The following PCDH15 variants were observed in gnomAD, a reference collection of about 807,000 sequenced individuals.
PCDH15 encodes the protein protocadherin related 15, also known as protocadherin-15.
Under a neutral mutation model 178.5 loss-of-function variants are expected in PCDH15, and 129 were observed. That is an observed-to-expected ratio of 0.72 (90% CI 0.63 to 0.84). The LOEUF (loss-of-function observed/expected upper bound fraction) is 0.84, where lower values mean the gene tolerates loss of function less well. PCDH15 is among the 40% of genes least tolerant of loss of function. The pLI is 0.00. For synonymous variants in PCDH15, 800 were observed against 732.0 expected (o/e 1.09, Z -1.50); for missense variants, 2,230 against 2,099.9 (o/e 1.06, Z -1.21).
At position 53,808,315 on chromosome 10, in the gene PCDH15, ATATAGT is replaced by A. The variant is rs1349025311; in HGVS notation, c.4672-1191_4672-1186del. 54 of 516,020 alleles carry A rather than the reference ATATAGT, an allele frequency of 1.0e-4. No homozygotes were observed. The African/African-American group carries it at 1.1e-3, about 11-fold the overall frequency. The allele number at this position is 516,020 out of a possible 1,614,324, so 32.0% of individuals were successfully genotyped here. A position where few individuals can be genotyped will look rare whatever the true frequency, so the allele number is the denominator to read the frequency against. The stretch of plus-strand genomic sequence containing the variant: ...ATTTTGAAAGATGATATAAAAACAT[ATATAGT>A]GTGTGTGTGTATATATATATATATA... On this transcript the variant is annotated intron_variant, in intron 37 of 37. Transcript: ENST00000644397.
chr10:55,096,949 C>A (rs1278192647), intron 2 of PCDH15, among the ~76,000 whole-genome samples: 2 of 152,054 alleles, frequency 1.3e-5, no homozygotes, highest in Non-Finnish European at 2.9e-5. Flanking sequence ...CATATCCCAA[C>A]TGAATATTGG....
intron 2 of PCDH15, among the ~76,000 whole-genome samples, chr10:55,411,291 A>G (rs1281851367): frequency 6.6e-6 from 1 of 152,126 alleles, no homozygotes; most frequent in African/African-American, 2.4e-5. Flanking sequence ...TTATCTTTTT[A>G]GACTGATTAT....
intron 11 of PCDH15, among the ~76,000 whole-genome samples, chr10:54,186,651 A>G (rs898828378): frequency 3.9e-5 from 6 of 151,972 alleles, no homozygotes; most frequent in African/African-American, 1.4e-4. Flanking sequence ...ACTACACATA[A>G]TAATTCCAAC....
At chr10:54,902,743 T>C (rs1163145014) in intron 2 of PCDH15, among the ~76,000 whole-genome samples, 8 of 152,160 alleles carry the variant, frequency 5.3e-5, no homozygotes, top group Non-Finnish European at 7.4e-5. Flanking sequence ...CCCCAAATGG[T>C]TGTAATCTGC....
intron 2 of PCDH15, among the ~76,000 whole-genome samples, chr10:54,993,587 C>G (rs1300558635): frequency 6.6e-6 from 1 of 151,980 alleles, no homozygotes; most frequent in Admixed American, 6.6e-5. Flanking sequence ...CTCAAATTCA[C>G]ACTGAATTTG....
chr10:53,900,138 G>A (rs570353314), intron 26 of PCDH15, among the ~76,000 whole-genome samples: 2 of 151,722 alleles, frequency 1.3e-5, no homozygotes, highest in Non-Finnish European at 2.9e-5. Context: ...GACAATTTGC[G>A]CTCTGCTACT....
chr10:55,529,289 T>C (rs1346482935), intron 2 of PCDH15, among the ~76,000 whole-genome samples: 1 of 152,130 alleles, frequency 6.6e-6, no homozygotes, highest in South Asian at 2.1e-4. Flanking sequence ...GTTTTAGACA[T>C]GAAGTCTTTG....
intron 3 of PCDH15, among the ~76,000 whole-genome samples, chr10:54,806,631 C>T (rs1952782589): frequency 6.6e-6 from 1 of 151,866 alleles, no homozygotes; most frequent in Non-Finnish European, 1.5e-5. Flanking sequence ...TTACAGGCAC[C>T]CGCCACTATA....
intron 2 of PCDH15, among the ~76,000 whole-genome samples, chr10:54,991,903 A>G (rs1439891672): frequency 6.6e-6 from 1 of 152,098 alleles, no homozygotes; most frequent in African/African-American, 2.4e-5. Flanking sequence ...TTAAAATATT[A>G]AATAATTGAT....
At chr10:55,521,492 T>C (rs1302704465) in intron 2 of PCDH15, among the ~76,000 whole-genome samples, 1 of 151,984 alleles carries the variant, frequency 6.6e-6, no homozygotes, top group East Asian at 1.9e-4. Flanking sequence ...TTGTAAGTCA[T>C]AGGAGGCCTG....
intron 21 of PCDH15, among the ~76,000 whole-genome samples, chr10:53,986,809 TAAGGGA>T (rs769031428): frequency 1.1e-4 from 16 of 152,184 alleles, no homozygotes; most frequent in Non-Finnish European, 1.8e-4. Context: ...TGTCAGGGGC[TAAGGGA>T]AAGGGGAAAT....
intron 3 of PCDH15, among the ~76,000 whole-genome samples, chr10:54,809,921 C>T (rs914222243): frequency 2.6e-5 from 4 of 152,076 alleles, no homozygotes; most frequent in Admixed American, 6.5e-5. Context: ...GAATGTGTTA[C>T]GCTAGCCGTT....
rs1460380855 is a variant in PCDH15 at position 54,236,933 on chromosome 10, T to TC, written c.877-3_877-2insG. ...AACAATAATGGGGTTCAGTTCTTCC[T>TC]GAAAAAAAAATTAAGAGAGTTTCAT... On this transcript the variant is annotated splice_region_variant and splice_polypyrimidine_tract_variant and intron_variant, in intron 8 of 37. Coordinates refer to ENST00000644397, the MANE Select transcript of PCDH15 (RefSeq NM_001384140.1). The TC allele has an allele frequency of 1.9e-6, 3 of 1,609,754 alleles. No individual in the cohort carries two copies. The highest frequency in any genetic ancestry group is 2.6e-6 in the Non-Finnish European group (3 of 1,176,220).
intron 11 of PCDH15, among the ~76,000 whole-genome samples, chr10:54,192,553 TG>T (rs1424678891): frequency 6.6e-6 from 1 of 152,180 alleles, no homozygotes; most frequent in East Asian, 1.9e-4. Context: ...TATCAATTTC[TG>T]GGAAATGGGT....
At chr10:54,090,204 G>T in intron 15 of PCDH15, 141 bp from the exon 16 acceptor site, 2 of 690,352 alleles carry the variant, frequency 2.9e-6, no homozygotes, top group Non-Finnish European at 5.1e-6. Flanking sequence ...TGGCCTAATG[G>T]CAAGGTGTAA....
At chr10:55,220,514 C>T (rs2132183112) in intron 1 of PCDH15, among the ~76,000 whole-genome samples, 2 of 152,126 alleles carry the variant, frequency 1.3e-5, no homozygotes, top group South Asian at 4.1e-4. Context: ...AGTATACTTA[C>T]ACAAGCCCAG....
chr10:55,097,872 T>A (rs1004382166), intron 2 of PCDH15, among the ~76,000 whole-genome samples: 1 of 152,148 alleles, frequency 6.6e-6, no homozygotes, highest in African/African-American at 2.4e-5. Context: ...TCATCATTTT[T>A]TATTTACAGA....
At chr10:54,345,721 T>C (rs969401233) in intron 6 of PCDH15, among the ~76,000 whole-genome samples, 4 of 127,544 alleles carry the variant, frequency 3.1e-5, no homozygotes, top group Non-Finnish European at 4.6e-5. Flanking sequence ...CTCTACTAAA[T>C]ATACAAAAAA....
intron 1 of PCDH15, among the ~76,000 whole-genome samples, chr10:55,309,194 T>C (rs1000501801): frequency 6.6e-6 from 1 of 152,192 alleles, no homozygotes; most frequent in African/African-American, 2.4e-5. Flanking sequence ...ATTCAAGTTG[T>C]ATAATATTCT....
Sources: allele counts gnomAD v4.1 joint callset (sites outside exome capture counted in the v4.1 genomes callset), GRCh38; gene constraint gnomAD v4.1.1; transcripts MANE v1.5; gene names NCBI Gene and HGNC (gene_info 2026-07-23, HGNC 2026-07-21).